ERICH1: variants seen among roughly 807,000 people sequenced by gnomAD.
The protein encoded by ERICH1 is glutamate-rich protein 1.
Under a neutral mutation model 39.6 loss-of-function variants are expected in ERICH1, and 56 were observed. The observed-to-expected ratio is 1.41, with a 90% CI of 1.14 to 1.77. ERICH1 has a LOEUF of 1.77. Ranked by LOEUF, ERICH1 falls within the 40% of genes most tolerant of loss-of-function variation. ERICH1 has a pLI of 0.00. For synonymous variants in ERICH1, 313 were observed against 223.6 expected (o/e 1.40, Z -3.57); for missense variants, 826 against 575.4 (o/e 1.44, Z -4.45).
Position 664,286 on chromosome 8 carries a change from T to C in ERICH1, c.*317A>G, listed in dbSNP as rs1801859159. On this transcript the variant is annotated 3_prime_UTR_variant, in exon 6 of 6. Coordinates refer to ENST00000262109, the MANE Select transcript of ERICH1 (RefSeq NM_207332.3). ...AAGGTGATTCAAAACTTCATAAAAA[T>C]ATATGAGCTTCAAACTATACATTTA... The C allele has an allele frequency of 9.8e-7, 1 of 1,025,582 alleles. No individual in the cohort carries two copies. The highest frequency in any genetic ancestry group is 1.2e-6 in the Non-Finnish European group (1 of 856,688). 63.5% of individuals were successfully genotyped at this position (1,025,582 alleles called of 1,614,324 possible). A position where few individuals can be genotyped will look rare whatever the true frequency, so the allele number is the denominator to read the frequency against.
At chr8:708,298 G>C (rs920343715) in intron 2 of ERICH1, among the ~76,000 whole-genome samples, 1 of 152,118 alleles carries the variant, frequency 6.6e-6, no homozygotes, top group Non-Finnish European at 1.5e-5. Context: ...ATAAACTCAA[G>C]AGAATCGAAA....
chr8:694,652 G>A (rs1414654252), intron 2 of ERICH1, among the ~76,000 whole-genome samples: 3 of 152,234 alleles, frequency 2.0e-5, no homozygotes, highest in African/African-American at 7.2e-5. Context: ...GGAGCACCAC[G>A]AGGGGCCTCA....
In ERICH1 at chr8:673,666, G is replaced by C. The variant is rs781277474; in HGVS notation, c.686C>G (p.Thr229Ser). The stretch of plus-strand genomic sequence containing the variant: ...AGCGTCCGCACCATCTTCCTCCCTG[G>C]TATCTTTAACGTCTTCCTCCCCGGC... ...TLAGEEDVKD[T>S]REEDGADASE... The change falls in exon 4 of 6, where the codon ACC becomes AGC. Residue 229 changes from threonine to serine, a missense_variant. By Grantham distance (58) the Thr-to-Ser change is moderately conservative. Transcript: ENST00000262109. 3 of 1,612,706 alleles carry C rather than the reference G, an allele frequency of 1.9e-6. No homozygotes were observed. The highest frequency in any genetic ancestry group is 1.7e-5 in the Admixed American group (1 of 59,806).
intron 3 of ERICH1, among the ~76,000 whole-genome samples, chr8:623,197 A>C (rs1025234654): frequency 2.6e-5 from 4 of 152,194 alleles, no homozygotes; most frequent in African/African-American, 9.6e-5. Context: ...ATGGAATTAC[A>C]CACCATGAGT....
Position 674,035 on chromosome 8 carries a change from T to C in ERICH1, c.317A>G (p.His106Arg), listed in dbSNP as rs1585192451. The change falls in exon 4 of 6, where the codon CAT becomes CGT. Residue 106 changes from histidine to arginine, a missense_variant. Physicochemically the swap from His to Arg is conservative, Grantham distance 29 (BLOSUM62 0). Transcript: ENST00000262109. Reference sequence around the variant, plus strand: ...AATTCTTCTTCTCTTTGGCTGGTCATGAGGATCCTGATCTGTTAAAAAAAT... The same window carrying C: ...AATTCTTCTTCTCTTTGGCTGGTCACGAGGATCCTGATCTGTTAAAAAAAT... ...SGDDTEDQDP[H>R]DQPKRRRIRK... 1.9e-6 allele frequency: 3 copies of C among 1,559,476 alleles called. No homozygotes were observed. The highest frequency in any genetic ancestry group is 4.5e-5 in the East Asian group (2 of 44,574).
chr8:705,052 C>A (rs537050264), intron 2 of ERICH1, among the ~76,000 whole-genome samples: 1 of 152,370 alleles, frequency 6.6e-6, no homozygotes, highest in South Asian at 2.1e-4. Context: ...TCAGTCTTAT[C>A]TTTGGGACAA....
intron 3 of ERICH1, among the ~76,000 whole-genome samples, chr8:634,978 A>G (rs1798311201): frequency 6.6e-6 from 1 of 152,158 alleles, no homozygotes; most frequent in Non-Finnish European, 1.5e-5. Context: ...GAAAGGGATC[A>G]CGGTGGCCGT....
chr8:699,220 G>A (rs56756385), intron 2 of ERICH1, among the ~76,000 whole-genome samples: 27,646 of 152,046 alleles, frequency 0.18, 3,160 homozygotes, highest in Middle Eastern at 0.33. Flanking sequence ...GTGTAAGGCT[G>A]GTTATCATCA....
intron 2 of ERICH1, among the ~76,000 whole-genome samples, chr8:693,493 G>A (rs1465717327): frequency 6.6e-6 from 1 of 152,218 alleles, no homozygotes; most frequent in Non-Finnish European, 1.5e-5. Context: ...ACCAGAGGTC[G>A]TCGCCACTGC....
intron 3 of ERICH1, among the ~76,000 whole-genome samples, chr8:658,386 G>T (rs28393818): frequency 2.6e-5 from 4 of 151,954 alleles, no homozygotes; most frequent in South Asian, 2.1e-4. Flanking sequence ...GCCCCGGAAG[G>T]GGGTGGAGAC....
chr8:699,798 CACACGCGCACAG>C (rs1811338350), intron 2 of ERICH1, among the ~76,000 whole-genome samples: 1 of 75,090 alleles, frequency 1.3e-5, no homozygotes, highest in African/African-American at 3.6e-5. Context: ...CACAGACCCG[CACACGCGCACAG>C]ATCCGCACAA....
At chr8:662,419 C>T (rs953754681), downstream of ERICH1, among the ~76,000 whole-genome samples, 7 of 152,156 alleles carry the variant, frequency 4.6e-5, no homozygotes, top group Non-Finnish European at 7.4e-5. Flanking sequence ...AAGGGTGAGA[C>T]GGGTGGATCA....
intron 4 of ERICH1, 145 bp from the exon 5 acceptor site, chr8:668,937 G>T (rs547294322): frequency 2.7e-6 from 2 of 743,408 alleles, no homozygotes; most frequent in Non-Finnish European, 4.3e-6. Context: ...TACCAGAAGA[G>T]AGAATCAGAA....
chr8:620,296 A>T (rs1464959594), intron 3 of ERICH1, among the ~76,000 whole-genome samples: 1 of 152,246 alleles, frequency 6.6e-6, no homozygotes, highest in Non-Finnish European at 1.5e-5. Flanking sequence ...TGGGCAACAG[A>T]GTGAGACTCT....
intron 3 of ERICH1, among the ~76,000 whole-genome samples, chr8:629,393 CCA>C (rs1180294983): frequency 1.4e-5 from 2 of 143,222 alleles, no homozygotes; most frequent in Non-Finnish European, 3.2e-5. Flanking sequence ...CTGTGACCAC[CCA>C]CACACACAGA....
intron 3 of ERICH1, among the ~76,000 whole-genome samples, chr8:655,900 A>G (rs1389712792): frequency 6.6e-6 from 1 of 152,112 alleles, no homozygotes; most frequent in Non-Finnish European, 1.5e-5. Flanking sequence ...GCAGGTGCAG[A>G]GACCGCCCAT....
At chr8:642,739 G>A (rs531513079) in intron 3 of ERICH1, among the ~76,000 whole-genome samples, 1 of 152,182 alleles carries the variant, frequency 6.6e-6, no homozygotes, top group African/African-American at 2.4e-5. Flanking sequence ...GTGAGGCGCT[G>A]GCCCTCTTCT....
At chr8:689,639 A>G (rs1808450292) in intron 3 of ERICH1, among the ~76,000 whole-genome samples, 2 of 152,124 alleles carry the variant, frequency 1.3e-5, no homozygotes, top group South Asian at 4.1e-4. Flanking sequence ...CACTGCGGAC[A>G]TTTTCTTCTA....
chr8:616,042 C>T (rs978204732), intron 3 of ERICH1: 4 of 154,424 alleles, frequency 2.6e-5, no homozygotes, highest in South Asian at 2.0e-4. Context: ...CTCAGCCCAT[C>T]ACTCCGCCCT....
Sources: allele counts gnomAD v4.1 joint callset (sites outside exome capture counted in the v4.1 genomes callset), GRCh38; gene constraint gnomAD v4.1.1; transcripts MANE v1.5; gene names NCBI Gene and HGNC (gene_info 2026-07-23, HGNC 2026-07-21).